The following TLE4 variants were observed in gnomAD, a reference collection of about 807,000 sequenced individuals.
TLE4 encodes TLE family member 4, transcriptional corepressor.
Under a neutral mutation model 92.8 loss-of-function variants are expected in TLE4, and 8 were observed. That is an observed-to-expected ratio of 0.09 (90% CI 0.05 to 0.16). The LOEUF (loss-of-function observed/expected upper bound fraction) is 0.16, where lower values mean the gene tolerates loss of function less well. Ranked by LOEUF, TLE4 falls within the 10% of genes least tolerant of loss-of-function variation. The pLI, the probability that TLE4 is intolerant of heterozygous loss-of-function variation, is 1.00. For missense variants in TLE4, 675 were observed against 997.6 expected, an observed-to-expected ratio of 0.68 and a Z score of 4.36; for synonymous variants, 371 against 374.1, an observed-to-expected ratio of 0.99 and a Z score of 0.10.
chr9:79,613,868 G>A (rs1201143260), intron 5 of TLE4, among the ~76,000 whole-genome samples: 2 of 152,112 alleles, frequency 1.3e-5, no homozygotes, highest in African/African-American at 4.8e-5. Context: ...TATATACTGG[G>A]GAGGGGGCAC....
chr9:79,706,559 C>A (rs954808658), intron 10 of TLE4, among the ~76,000 whole-genome samples, 188 bp from the exon 11 acceptor site: 2 of 151,956 alleles, frequency 1.3e-5, no homozygotes, highest in African/African-American at 4.8e-5. Flanking sequence ...ACTATAAATA[C>A]TATAATTTTG....
chr9:79,624,075 G>T (rs1000069629), intron 5 of TLE4, among the ~76,000 whole-genome samples: 1 of 150,648 alleles, frequency 6.6e-6, no homozygotes, highest in Non-Finnish European at 1.5e-5. Context: ...GAAAGTGGAA[G>T]ACAAGGCAGA....
intron 5 of TLE4, among the ~76,000 whole-genome samples, chr9:79,626,517 T>A (rs2052646934): frequency 6.6e-6 from 1 of 152,204 alleles, no homozygotes; most frequent in Non-Finnish European, 1.5e-5. Context: ...GTCAAATGTT[T>A]TAATGGGAAA....
intron 7 of TLE4, chr9:79,653,005 G>A (rs2059260963): frequency 1.5e-6 from 1 of 666,360 alleles, no homozygotes; most frequent in Non-Finnish European, 2.8e-6. Context: ...TAGAGGCAGA[G>A]GGGCCTATTT....
At chr9:79,605,688 A>G (rs1268553641) in intron 4 of TLE4, among the ~76,000 whole-genome samples, 1 of 152,158 alleles carries the variant, frequency 6.6e-6, no homozygotes, top group Non-Finnish European at 1.5e-5. Context: ...CTCTTCAAGA[A>G]GGACTTTGTT....
intron 8 of TLE4, among the ~76,000 whole-genome samples, chr9:79,683,449 T>C (rs1172214962): frequency 6.6e-6 from 1 of 152,200 alleles, no homozygotes; most frequent in Non-Finnish European, 1.5e-5. Flanking sequence ...TTAAAGAGTT[T>C]ACATGGTACC....
intron 6 of TLE4, among the ~76,000 whole-genome samples, chr9:79,632,658 T>C (rs2054613539): frequency 6.6e-6 from 1 of 152,244 alleles, no homozygotes; most frequent in Admixed American, 6.5e-5. Context: ...TAAATAAATA[T>C]TTTTCAGTAA....
intron 6 of TLE4, among the ~76,000 whole-genome samples, chr9:79,633,218 C>T (rs546372970): frequency 1.3e-5 from 2 of 152,260 alleles, no homozygotes; most frequent in South Asian, 4.1e-4. Context: ...ACTCTGCCTG[C>T]ACTTCAGAGA....
intron 8 of TLE4, among the ~76,000 whole-genome samples, chr9:79,696,726 G>T (rs140753266): frequency 8.4e-4 from 128 of 152,174 alleles, no homozygotes; most frequent in African/African-American, 2.9e-3. Context: ...GAAGATTCTG[G>T]TCCATTAAGA....
intron 4 of TLE4, among the ~76,000 whole-genome samples, chr9:79,596,052 T>C (rs1028116435): frequency 5.3e-5 from 8 of 152,068 alleles, no homozygotes; most frequent in African/African-American, 1.7e-4. Flanking sequence ...TTCACCGTGT[T>C]AGCCAGGATG....
chr9:79,594,484 A>G (rs2043463373), intron 4 of TLE4, among the ~76,000 whole-genome samples: 1 of 151,728 alleles, frequency 6.6e-6, no homozygotes. Flanking sequence ...ATCCAGACTC[A>G]TGCATCTTTA....
chr9:79,595,157 A>G (rs2043636744), intron 4 of TLE4, among the ~76,000 whole-genome samples: 1 of 152,154 alleles, frequency 6.6e-6, no homozygotes, highest in Non-Finnish European at 1.5e-5. Flanking sequence ...CAGGGAAGAG[A>G]TTAAGGAATG....
chr9:79,580,627 G>A (rs2039386683), intron 4 of TLE4, among the ~76,000 whole-genome samples: 1 of 151,136 alleles, frequency 6.6e-6, no homozygotes, highest in Admixed American at 6.6e-5. Context: ...CTGTCTTATT[G>A]TGTACTCTTA....
At position 79,652,595 on chromosome 9, in the gene TLE4, A is replaced by G. The variant is rs199889847; in HGVS notation, c.393A>G (p.Gln131=). 1,769 of 1,614,032 alleles carry G rather than the reference A, an allele frequency of 1.1e-3. 3 individuals carry two copies. The Middle Eastern group carries it at 0.011, about 10-fold the overall frequency. The change falls in exon 7 of 20, where the codon CAA becomes CAG. Residue 131 remains glutamine (Q), a splice_region_variant and synonymous_variant. Coordinates refer to ENST00000376552, the MANE Select transcript of TLE4 (RefSeq NM_007005.6). ...TMAELNAIIG[Q]QLQAQHLSHG... ...CTGTGTTTAATTTTTCACAGCAGCA[A>G]CAACTCCAGGCCCAGCATTTATCAC...
In TLE4 at chr9:79,725,202, C is replaced by T; in HGVS notation, c.*58C>T. 1 of 1,299,856 alleles carries T rather than the reference C, an allele frequency of 7.7e-7. No individual in the cohort carries two copies. The highest frequency in any genetic ancestry group is 1.1e-6 in the Non-Finnish European group (1 of 901,088). The allele number at this position is 1,299,856 out of a possible 1,614,324, so 80.5% of individuals were successfully genotyped here. On this transcript the variant is annotated 3_prime_UTR_variant, in exon 20 of 20. Coordinates refer to ENST00000376552, the MANE Select transcript of TLE4 (RefSeq NM_007005.6). ...CCTGGTAGCACTTTGCTCTGTCATCCTTTTTGTTCACCCCCATCCCCGCAT... is the reference window on the plus strand; with the variant it reads ...CCTGGTAGCACTTTGCTCTGTCATCTTTTTTGTTCACCCCCATCCCCGCAT...
At chr9:79,597,428 T>A (rs1205388232) in intron 4 of TLE4, among the ~76,000 whole-genome samples, 2 of 152,196 alleles carry the variant, frequency 1.3e-5, no homozygotes, top group Non-Finnish European at 2.9e-5. Flanking sequence ...CTTTGCCCTT[T>A]TATTTAGGTA....
rs71364420 is a variant in TLE4, at chr9:79,606,187, G to GTTTTTTTTTTTTTTTTTTTTTTTTTT, written c.253-6456_253-6431dup. On this transcript the variant is annotated intron_variant, in intron 4 of 19. Transcript: ENST00000376552. ...ATTGCTTTATTAAGCAGTAGTAGTT[G>GTTTTTTTTTTTTTTTTTTTTTTTTTT]TTTTTTTTTTTTTTTTTTTTTTTTT... is the stretch of plus-strand genomic sequence containing the variant. 2.4e-4 allele frequency among the ~76,000 whole-genome samples: 7 copies of GTTTTTTTTTTTTTTTTTTTTTTTTTT among 28,712 alleles called. 2 individuals are homozygous for GTTTTTTTTTTTTTTTTTTTTTTTTTT. The highest frequency in any genetic ancestry group is 4.0e-4 in the African/African-American group (3 of 7,496). 18.8% of individuals were successfully genotyped at this position (28,712 alleles called of 152,430 possible).
chr9:79,638,175 G>A (rs1192879971), intron 6 of TLE4, among the ~76,000 whole-genome samples: 2 of 152,128 alleles, frequency 1.3e-5, no homozygotes, highest in African/African-American at 4.8e-5. Context: ...ATGACTGGTG[G>A]TGAAGACCAT....
intron 8 of TLE4, among the ~76,000 whole-genome samples, chr9:79,702,643 A>G (rs563383956): frequency 2.6e-5 from 4 of 152,266 alleles, no homozygotes; most frequent in South Asian, 4.1e-4. Context: ...TTCTGCCACT[A>G]AGTTTAAGGC....
Sources: gnomAD v4.1 joint callset for allele counts (sites outside exome capture counted in the v4.1 genomes callset) on GRCh38, gnomAD v4.1.1 for gene constraint, MANE v1.5 for transcripts, NCBI Gene and HGNC (gene_info 2026-07-23, HGNC 2026-07-21) for gene names.